LMO3: variants seen among roughly 807,000 people sequenced by gnomAD.
LMO3 encodes the protein LIM domain only 3, also known as LIM domain only protein 3.
A neutral mutation model predicts 15.8 loss-of-function variants in LMO3; 2 were observed. That is an observed-to-expected ratio of 0.13 (90% confidence interval 0.05 to 0.40). LMO3 has a LOEUF of 0.40. Among genes scored for constraint, LMO3 ranks in the 10% least tolerant of loss-of-function variants. The pLI, the probability that LMO3 is intolerant of heterozygous loss-of-function variation, is 0.99. For missense variants in LMO3, 86 were observed against 182.2 expected (o/e 0.47, Z 3.04); for synonymous variants, 62 against 63.8 (o/e 0.97, Z 0.13).
In LMO3 at chr12:16,559,798, GAA is replaced by G. The variant is rs60838238; in HGVS notation, c.332+613_332+614del. On this transcript the variant is annotated intron_variant, in intron 3 of 3. Transcript: ENST00000537304. The surrounding 1 kb of genome is among the most constrained non-coding windows in gnomAD (Gnocchi z 4.1). ...AAACTCCATCATCTCTATAAAAAAT[GAA>G]AAAAAAAAAAAATTAGCCAGGCATG... 0.019 allele frequency among the ~76,000 whole-genome samples: 2,691 copies of G among 138,310 alleles called. 84 individuals are homozygous for G. Among genetic ancestry groups the G allele is most frequent in the African/African-American group, 0.067 (2,492 of 37,014 alleles). 90.7% of individuals were successfully genotyped at this position (138,310 alleles called of 152,430 possible).
intron 2 of LMO3, among the ~76,000 whole-genome samples, chr12:16,580,450 T>C (rs1175443638): frequency 6.6e-6 from 1 of 152,192 alleles, no homozygotes; most frequent in Non-Finnish European, 1.5e-5. Context: ...ATGTTCAAGA[T>C]TAAGAGAAAC....
Position 16,599,816 on chromosome 12 carries a change from C to G in LMO3, c.206+839G>C, listed in dbSNP as rs1441906288. The G allele has an allele frequency of 6.6e-6, 1 of 152,108 alleles. No individual in the cohort carries two copies. The highest frequency in any genetic ancestry group is 2.4e-5 in the African/African-American group (1 of 41,414). The allele number at this position is 152,108 out of a possible 1,614,324, so 9.4% of individuals were successfully genotyped here. ...TTAGTAGGCTTCATAGCTCCATAAC[C>G]AAGAACACCTGCCTTGTCCTGAAAG... On this transcript the variant is annotated intron_variant, in intron 2 of 3. Transcript: ENST00000537304. The surrounding 1 kb of genome is among the most constrained non-coding windows in gnomAD (Gnocchi z 4.1).
At chr12:16,600,291 C>CAAAAAA (rs35993210) in intron 2 of LMO3, 10 of 69,674 alleles carry the variant, frequency 1.4e-4, no homozygotes, top group Admixed American at 5.4e-4. Context: ...CCTTAAGCTC[C>CAAAAAA]AAAAAAAAAA....
Position 16,598,977 on chromosome 12 carries a change from C to T in LMO3, c.206+1678G>A, listed in dbSNP as rs1229830813. 2 of 295,666 alleles carry T rather than the reference C, an allele frequency of 6.8e-6. No homozygotes were observed. Among genetic ancestry groups the T allele is most frequent in the African/African-American group, 2.2e-5 (1 of 44,844 alleles). 18.3% of individuals were successfully genotyped at this position (295,666 alleles called of 1,614,324 possible). On this transcript the variant is annotated intron_variant, in intron 2 of 3. Transcript: ENST00000537304. This position sits in a 1 kb window ranked among gnomAD's most constrained non-coding sequence, Gnocchi z 4.3. ...AAATCCACTTGAGATACTGAAATTA[C>T]AAACAAATGTAAAAGTCAAAAGGAG...
At position 16,587,993 on chromosome 12, in the gene LMO3, A is replaced by T. The variant is rs923014507; in HGVS notation, c.206+12662T>A. Reference sequence around the variant, plus strand: ...AAAAGTCCCTTTCTTTCAGATAATTACCCTGTCTTTCTCTTACGACTTCTT... The same window carrying T: ...AAAAGTCCCTTTCTTTCAGATAATTTCCCTGTCTTTCTCTTACGACTTCTT... On this transcript the variant is annotated intron_variant, in intron 2 of 3. Transcript: ENST00000537304. The surrounding 1 kb of genome is among the most constrained non-coding windows in gnomAD (Gnocchi z 4.3). 1.3e-5 allele frequency among the ~76,000 whole-genome samples: 2 copies of T among 152,092 alleles called. No homozygotes were observed. Among genetic ancestry groups the T allele is most frequent in the African/African-American group, 2.4e-5 (1 of 41,440 alleles).
In LMO3 at chr12:16,560,815, G is replaced by C; in HGVS notation, c.207-277C>G. ...CTGCACATAAACAGAAGTCAATGGG[G>C]GTGAATTCATAGCAAAAATCTCTGG... On this transcript the variant is annotated intron_variant, in intron 2 of 3. Transcript: ENST00000537304. This position sits in a 1 kb window ranked among gnomAD's most constrained non-coding sequence, Gnocchi z 5.0. 1 of 442,852 alleles carries C rather than the reference G, an allele frequency of 2.3e-6. No individual in the cohort carries two copies. Among genetic ancestry groups the C allele is most frequent in the Non-Finnish European group, 4.2e-6 (1 of 235,472 alleles). The allele number at this position is 442,852 out of a possible 1,614,324, so 27.4% of individuals were successfully genotyped here.
chr12:16,605,790 C>A, intron 1 of LMO3: 1 of 1,535,620 alleles, frequency 6.5e-7, no homozygotes, highest in South Asian at 1.2e-5. Context: ...GCGCCGCAGC[C>A]GCTCTCCCTC....
At chr12:16,601,530 A>G (rs1293208729) in intron 1 of LMO3, among the ~76,000 whole-genome samples, 1 of 152,236 alleles carries the variant, frequency 6.6e-6, no homozygotes, top group Non-Finnish European at 1.5e-5. Flanking sequence ...AGCATCAGTC[A>G]GCACCTATAT....
chr12:16,594,169 G>C, intron 2 of LMO3: 4 of 1,532,760 alleles, frequency 2.6e-6, no homozygotes, highest in Non-Finnish European at 3.5e-6. Context: ...TAAAGTCAAT[G>C]ATGACAAAAG....
intron 3 of LMO3, among the ~76,000 whole-genome samples, chr12:16,558,209 A>ATAGAC (rs1252576680): frequency 6.6e-6 from 1 of 152,086 alleles, no homozygotes; most frequent in Non-Finnish European, 1.5e-5. Flanking sequence ...CATTTGTCCT[A>ATAGAC]TAGACATAGG....
At chr12:16,605,607 A>T in intron 1 of LMO3, 1 of 693,232 alleles carries the variant, frequency 1.4e-6, no homozygotes, top group Non-Finnish European at 2.3e-6. Flanking sequence ...AGTAAGGGGG[A>T]GGGGTCCGGA....
rs573617218 is a variant in LMO3, at chr12:16,565,217, C to T, written c.207-4679G>A. 1.1e-4 allele frequency among the ~76,000 whole-genome samples: 16 copies of T among 152,236 alleles called. No individual in the cohort carries two copies. The South Asian group carries it at 3.3e-3, about 32-fold the overall frequency. ...CTTTCGAAGACTATGAAATTGCAAT[C>T]AATTGAAAAGATTTTTAACTTTTGA... On this transcript the variant is annotated intron_variant, in intron 2 of 3. Transcript: ENST00000537304.
Position 16,593,227 on chromosome 12 carries a change from G to T in LMO3, c.206+7428C>A, listed in dbSNP as rs1159845284. 6.6e-6 allele frequency among the ~76,000 whole-genome samples: 1 copy of T among 151,824 alleles called. No individual in the cohort carries two copies. Among genetic ancestry groups the T allele is most frequent in the East Asian group, 1.9e-4 (1 of 5,186 alleles). ...GTGATAACAATTTTACTTAAATATT[G>T]CTTTGGTGTGCTCTTCTGCAAATAC... On this transcript the variant is annotated intron_variant, in intron 2 of 3. Coordinates refer to ENST00000537304, the MANE Select transcript of LMO3 (RefSeq NM_018640.5). The surrounding 1 kb of genome is among the most constrained non-coding windows in gnomAD (Gnocchi z 4.2).
At chr12:16,608,718 GAAGGA>G (rs1158529852), upstream of LMO3, 2 of 151,986 alleles carry the variant, frequency 1.3e-5, no homozygotes, top group African/African-American at 4.8e-5. This position sits in a 1 kb window ranked among gnomAD's most constrained non-coding sequence, Gnocchi z 4.1. Context: ...GAGAGAGAGA[GAAGGA>G]GAGACAGAGG....
rs554237031 is a variant in LMO3 at position 16,570,601 on chromosome 12, C to G, written c.207-10063G>C. Among the ~76,000 whole-genome samples the G allele has an allele frequency of 5.3e-5, 8 of 152,254 alleles. No homozygotes were observed. The South Asian group carries it at 1.7e-3, about 32-fold the overall frequency. On this transcript the variant is annotated intron_variant, in intron 2 of 3. Coordinates refer to ENST00000537304, the MANE Select transcript of LMO3 (RefSeq NM_018640.5). ...ATTTAATGTTTTCATGTGTCAATTT[C>G]ACCATCTTTCCAAGAGCCACTTACT... is the stretch of plus-strand genomic sequence containing the variant.
At chr12:16,573,523 A>C (rs750539304) in intron 2 of LMO3, 3 of 152,186 alleles carry the variant, frequency 2.0e-5, no homozygotes, top group Non-Finnish European at 4.4e-5. Context: ...TGTCAAAAAA[A>C]CCTGTCAGCT....
chr12:16,579,660 C>T (rs1264305289), intron 2 of LMO3, among the ~76,000 whole-genome samples: 3 of 152,188 alleles, frequency 2.0e-5, no homozygotes, highest in Non-Finnish European at 4.4e-5. Flanking sequence ...GCTGAGGCTG[C>T]CTCTTCTCTC....
chr12:16,575,261 C>A (rs961046352), intron 2 of LMO3, among the ~76,000 whole-genome samples: 12 of 152,070 alleles, frequency 7.9e-5, no homozygotes, highest in Non-Finnish European at 1.5e-5. Flanking sequence ...TGTTTATCTT[C>A]AAAAATATAG....
chr12:16,603,777 C>A lies in LMO3; in HGVS notation c.-9+2289G>T, dbSNP rs1201141889. 6.6e-6 allele frequency among the ~76,000 whole-genome samples: 1 copy of A among 152,154 alleles called. No homozygotes were observed. The highest frequency in any genetic ancestry group is 1.9e-4 in the East Asian group (1 of 5,198). ...CCTTGTTCTGTACCATTCATCCGCA[C>A]AGTCTCAGCTTCAGTAGTTAACACA... On this transcript the variant is annotated intron_variant, in intron 1 of 3. Coordinates refer to ENST00000537304, the MANE Select transcript of LMO3 (RefSeq NM_018640.5). The surrounding 1 kb of genome is among the most constrained non-coding windows in gnomAD (Gnocchi z 4.9).
Sources: gnomAD v4.1 joint callset for allele counts (sites outside exome capture counted in the v4.1 genomes callset) on GRCh38, gnomAD v4.1.1 for gene constraint, Gnocchi (gnomAD v3.1) non-coding constraint, MANE v1.5 for transcripts, NCBI Gene and HGNC (gene_info 2026-07-23, HGNC 2026-07-21) for gene names.